Variants in HEG1 observed in about 807,000 individuals in gnomAD.
HEG1 encodes protein HEG homolog 1.
In HEG1, 56 loss-of-function variants were observed where a neutral mutation model predicts 125.6. That is an observed-to-expected ratio of 0.45 (90% CI 0.36 to 0.56). The LOEUF (loss-of-function observed/expected upper bound fraction) is 0.56, where lower values mean the gene tolerates loss of function less well. Among genes scored for constraint, HEG1 ranks in the 20% least tolerant of loss-of-function variants. The pLI is 0.00. For missense variants in HEG1, 1,523 were observed against 1,670.0 expected (o/e 0.91, Z 1.53); for synonymous variants, 644 against 668.5 (o/e 0.96, Z 0.57).
chr3:125,008,692 G>A (rs1937107369), intron 8 of HEG1, among the ~76,000 whole-genome samples: 1 of 152,222 alleles, frequency 6.6e-6, no homozygotes, highest in African/African-American at 2.4e-5. Flanking sequence ...CAGCTATTTG[G>A]AGGCTGAGGC....
In HEG1 at chr3:125,009,700, C is replaced by G; in HGVS notation, c.3193+5G>C. 6.2e-7 allele frequency: 1 copy of G among 1,610,958 alleles called. No individual in the cohort carries two copies. Among genetic ancestry groups the G allele is most frequent in the South Asian group, 1.1e-5 (1 of 90,432 alleles). On this transcript the variant is annotated splice_donor_5th_base_variant and intron_variant, in intron 8 of 16. Transcript: ENST00000311127. ...ATAAAGTCCGAAATAGACTAAGTCT[C>G]TTACCCAAATTGCATATCCCTTTTT...
At chr3:124,974,039 GTAT>G in intron 15 of HEG1, 134 bp from the exon 16 acceptor site, 1 of 618,064 alleles carries the variant, frequency 1.6e-6, no homozygotes, top group Non-Finnish European at 2.8e-6. Context: ...CCACTGAGTA[GTAT>G]TATTATTGTT....
At chr3:124,977,389 G>T (rs1191224821) in intron 15 of HEG1, among the ~76,000 whole-genome samples, 2 of 152,164 alleles carry the variant, frequency 1.3e-5, no homozygotes, top group Non-Finnish European at 2.9e-5. Context: ...CTTCTTTGAA[G>T]AAATGTCTAT....
In HEG1 at chr3:125,012,936, G is replaced by C. The variant is rs1171159643; in HGVS notation, c.2643C>G (p.Leu881=). The change falls in exon 6 of 17, where the codon CTC becomes CTG. Residue 881 remains leucine (L), a synonymous_variant. Transcript: ENST00000311127. ...IAVQTTAGKQ[L]SLTHPEILVP... The stretch of plus-strand genomic sequence containing the variant: ...CTAGTATTTCAGGATGGGTCAGCGA[G>C]AGCTGTTTTCCAGCTGTAGTCTGTA... 2 of 1,613,948 alleles carry C rather than the reference G, an allele frequency of 1.2e-6. No homozygotes were observed. The highest frequency in any genetic ancestry group is 1.7e-6 in the Non-Finnish European group (2 of 1,179,910).
At chr3:125,002,056 C>T (rs910614228) in intron 10 of HEG1, 44 bp from the exon 11 acceptor site, 10 of 1,608,168 alleles carry the variant, frequency 6.2e-6, no homozygotes, top group Admixed American at 3.4e-5. Context: ...TGAAATGACA[C>T]GTGGGTCCCA....
chr3:124,975,482 C>CA (rs1936518417), intron 15 of HEG1, among the ~76,000 whole-genome samples: 1 of 152,294 alleles, frequency 6.6e-6, no homozygotes, highest in Non-Finnish European at 1.5e-5. Flanking sequence ...TTCTCTACTG[C>CA]AAAAATATTT....
At position 124,966,051 on chromosome 3, in the gene HEG1, C is replaced by T. The variant is rs1340105431; in HGVS notation, c.*4601G>A. On this transcript the variant is annotated 3_prime_UTR_variant, in exon 17 of 17. Coordinates refer to ENST00000311127, the MANE Select transcript of HEG1 (RefSeq NM_020733.2). Reference sequence around the variant, plus strand: ...AGCAACTCATGATGAAACAGTCGTTCTCTTTTTAGGACAGGCCAAGGTTAA... The same window carrying T: ...AGCAACTCATGATGAAACAGTCGTTTTCTTTTTAGGACAGGCCAAGGTTAA... 6.6e-6 allele frequency: 1 copy of T among 152,182 alleles called. No individual in the cohort carries two copies. The highest frequency in any genetic ancestry group is 1.5e-5 in the Non-Finnish European group (1 of 68,034). The allele number at this position is 152,182 out of a possible 1,614,324, so 9.4% of individuals were successfully genotyped here.
chr3:125,041,232 T>C (rs1937591563), intron 1 of HEG1, among the ~76,000 whole-genome samples: 1 of 152,164 alleles, frequency 6.6e-6, no homozygotes, highest in Non-Finnish European at 1.5e-5. Flanking sequence ...TGGCCAAAGT[T>C]ACCTGGATTG....
At chr3:125,008,635 T>C (rs993497287) in intron 8 of HEG1, among the ~76,000 whole-genome samples, 6 of 152,054 alleles carry the variant, frequency 3.9e-5, no homozygotes, top group Non-Finnish European at 7.4e-5. Flanking sequence ...CCTTCTATAC[T>C]AAAAATACAA....
intron 1 of HEG1, among the ~76,000 whole-genome samples, chr3:125,054,986 G>T (rs982435539): frequency 6.6e-6 from 1 of 152,174 alleles, no homozygotes; most frequent in South Asian, 2.1e-4. Flanking sequence ...GAAAGGGGAG[G>T]GAGGAGGCTC....
chr3:124,971,378 C>A (rs761088112), intron 16 of HEG1, among the ~76,000 whole-genome samples: 1 of 152,190 alleles, frequency 6.6e-6, no homozygotes, highest in Non-Finnish European at 1.5e-5. Flanking sequence ...ACTGCTCAGC[C>A]AGCTATTTTT....
chr3:125,003,573 C>T (rs1194644027), intron 9 of HEG1, among the ~76,000 whole-genome samples: 1 of 152,130 alleles, frequency 6.6e-6, no homozygotes, highest in Non-Finnish European at 1.5e-5. Flanking sequence ...TCTTTGTTTA[C>T]CTGGGGGTGC....
intron 4 of HEG1, among the ~76,000 whole-genome samples, chr3:125,020,479 T>C (rs1177868132): frequency 6.6e-6 from 1 of 151,982 alleles, no homozygotes; most frequent in African/African-American, 2.4e-5. Context: ...AAGACCATCC[T>C]GTAGAGTGAA....
intron 1 of HEG1, among the ~76,000 whole-genome samples, chr3:125,038,753 G>T (rs1388070724): frequency 6.6e-6 from 1 of 152,140 alleles, no homozygotes; most frequent in Non-Finnish European, 1.5e-5. Flanking sequence ...GCCACATGGA[G>T]GGCGAGGTGT....
intron 11 of HEG1, among the ~76,000 whole-genome samples, chr3:125,000,219 G>A (rs2107695487): frequency 6.6e-6 from 1 of 152,308 alleles, no homozygotes; most frequent in East Asian, 1.9e-4. Context: ...AAGGGTGAGA[G>A]GTACTTTCCC....
chr3:125,002,339 G>A (rs367951718), intron 9 of HEG1, 24 bp from the exon 10 acceptor site: 68 of 1,602,820 alleles, frequency 4.2e-5, no homozygotes, highest in Non-Finnish European at 5.0e-5. Flanking sequence ...CAAGCCTGTC[G>A]TTAACAGTGA....
intron 5 of HEG1, among the ~76,000 whole-genome samples, chr3:125,018,938 C>G (rs1288131626): frequency 6.7e-6 from 1 of 149,024 alleles, no homozygotes; most frequent in African/African-American, 2.5e-5. Flanking sequence ...GCGATCTCAG[C>G]TAACTGCAAC....
intron 1 of HEG1, among the ~76,000 whole-genome samples, chr3:125,033,578 C>CA (rs1269242125): frequency 6.6e-6 from 1 of 152,202 alleles, no homozygotes; most frequent in Non-Finnish European, 1.5e-5. Flanking sequence ...CTGTATGTCA[C>CA]ATTACCTCTG....
At chr3:124,991,181 G>A (rs536213158) in intron 12 of HEG1, among the ~76,000 whole-genome samples, 195 bp from the exon 13 acceptor site, 2 of 146,254 alleles carry the variant, frequency 1.4e-5, no homozygotes, top group Non-Finnish European at 3.0e-5. Context: ...ATAGAGTCTC[G>A]CTCTGTCACC....
Sources: gnomAD v4.1 joint callset for allele counts (sites outside exome capture counted in the v4.1 genomes callset) on GRCh38, gnomAD v4.1.1 for gene constraint, MANE v1.5 for transcripts, NCBI Gene and HGNC (gene_info 2026-07-23, HGNC 2026-07-21) for gene names.